PTPRD: variants seen among roughly 807,000 people sequenced by gnomAD.
PTPRD encodes the protein protein tyrosine phosphatase receptor type D.
Under a neutral mutation model 214.5 loss-of-function variants are expected in PTPRD, and 34 were observed. The observed-to-expected ratio is 0.16, with a 90% confidence interval of 0.12 to 0.21. The LOEUF (loss-of-function observed/expected upper bound fraction) is 0.21, where lower values mean the gene tolerates loss of function less well. Among genes scored for constraint, PTPRD ranks in the 10% least tolerant of loss-of-function variants. The pLI, the probability that PTPRD is intolerant of heterozygous loss-of-function variation, is 1.00. For synonymous variants in PTPRD, 1,128 were observed against 845.7 expected (o/e 1.33, Z -5.79); for missense variants, 2,545 against 2,398.7 (o/e 1.06, Z -1.27).
At chr9:10,026,160 T>A (rs2096919475) in intron 4 of PTPRD, among the ~76,000 whole-genome samples, 1 of 152,206 alleles carries the variant, frequency 6.6e-6, no homozygotes, top group Admixed American at 6.5e-5. Context: ...GCCAGTTAAC[T>A]AAAAATTTGA....
intron 3 of PTPRD, among the ~76,000 whole-genome samples, chr9:10,088,111 G>C (rs2098379210): frequency 6.6e-6 from 1 of 151,634 alleles, no homozygotes; most frequent in African/African-American, 2.4e-5. Flanking sequence ...TTATTGTCTA[G>C]TTTGTAGTAA....
intron 5 of PTPRD, among the ~76,000 whole-genome samples, chr9:9,799,854 G>A (rs1223882377): frequency 6.6e-6 from 1 of 152,038 alleles, no homozygotes; most frequent in Non-Finnish European, 1.5e-5. Flanking sequence ...GAGACTAGGT[G>A]GAGAGCTTTC....
At chr9:10,126,043 T>A (rs2098816752) in intron 3 of PTPRD, among the ~76,000 whole-genome samples, 1 of 152,086 alleles carries the variant, frequency 6.6e-6, no homozygotes, top group African/African-American at 2.4e-5. Context: ...ATAGAAATTT[T>A]TAATTTAGGC....
chr9:9,023,560 G>C (rs554433661), intron 10 of PTPRD, among the ~76,000 whole-genome samples: 1 of 151,800 alleles, frequency 6.6e-6, no homozygotes, highest in African/African-American at 2.4e-5. Flanking sequence ...TTTTATTTTA[G>C]ATACAAGGGG....
At chr9:10,194,371 G>A (rs1263488353) in intron 3 of PTPRD, among the ~76,000 whole-genome samples, 1 of 84,716 alleles carries the variant, frequency 1.2e-5, no homozygotes, top group East Asian at 4.1e-4. Flanking sequence ...GAGAGAGAGA[G>A]AGAGAGAGAG....
chr9:10,351,766 C>T (rs1027953992), intron 2 of PTPRD, among the ~76,000 whole-genome samples: 4 of 150,994 alleles, frequency 2.6e-5, no homozygotes, highest in Admixed American at 6.6e-5. Context: ...ATTTCCTAAG[C>T]TTTTTGAGGA....
chr9:8,521,437 T>C lies in PTPRD; in HGVS notation c.801A>G (p.Val267=), dbSNP rs2138889515. 4 of 1,614,036 alleles carry C rather than the reference T, an allele frequency of 2.5e-6. No homozygotes were observed. Among genetic ancestry groups the C allele is most frequent in the Non-Finnish European group, 2.5e-6 (3 of 1,179,936 alleles). Residue 267 remains valine (V), a synonymous_variant, in exon 20 of 46, where the codon GTA becomes GTG. Coordinates refer to ENST00000381196, the MANE Select transcript of PTPRD (RefSeq NM_002839.4). ...GATCTTCTGCCCCCAACATCCACTT[T>C]ACATAAGGCATTGGTGACCCCACGG... The part of the protein sequence containing the change: ...CVAVGSPMPY[V]KWMLGAEDLT...
chr9:9,202,128 G>C (rs560750941), intron 9 of PTPRD, among the ~76,000 whole-genome samples: 34 of 152,304 alleles, frequency 2.2e-4, no homozygotes, highest in African/African-American at 7.5e-4. Context: ...CACAGAGGTG[G>C]AGAACATGAC....
intron 7 of PTPRD, among the ~76,000 whole-genome samples, chr9:9,727,939 A>T (rs2098121520): frequency 6.6e-6 from 1 of 152,096 alleles, no homozygotes; most frequent in African/African-American, 2.4e-5. Flanking sequence ...TCTCAGTCAA[A>T]TCCCATCTTG....
At chr9:10,162,610 C>T (rs1030986554) in intron 3 of PTPRD, among the ~76,000 whole-genome samples, 14 of 147,944 alleles carry the variant, frequency 9.5e-5, no homozygotes, top group South Asian at 4.2e-4. Context: ...TTTATACGTA[C>T]GTATATACAC....
chr9:9,554,462 G>C (rs1461331006), intron 8 of PTPRD, among the ~76,000 whole-genome samples: 1 of 151,436 alleles, frequency 6.6e-6, no homozygotes, highest in African/African-American at 2.4e-5. Context: ...GAGCTATTTA[G>C]AAAAAATGTT....
chr9:8,671,228 T>A (rs940646588), intron 12 of PTPRD, among the ~76,000 whole-genome samples: 4 of 152,194 alleles, frequency 2.6e-5, no homozygotes, highest in African/African-American at 9.7e-5. Flanking sequence ...ATGCGATACT[T>A]CTCATTTAAT....
At chr9:9,543,508 AT>A (rs1466807268) in intron 8 of PTPRD, among the ~76,000 whole-genome samples, 2 of 151,584 alleles carry the variant, frequency 1.3e-5, no homozygotes, top group Non-Finnish European at 3.0e-5. Flanking sequence ...GATTAGGTAA[AT>A]TTCAAAATTT....
intron 3 of PTPRD, among the ~76,000 whole-genome samples, chr9:10,242,854 T>C (rs1376810977): frequency 6.6e-6 from 1 of 151,590 alleles, no homozygotes; most frequent in Non-Finnish European, 1.5e-5. Flanking sequence ...ACCAAGAAAT[T>C]TGATGTAACG....
intron 14 of PTPRD, among the ~76,000 whole-genome samples, chr9:8,590,008 T>G (rs980270462): frequency 2.0e-5 from 3 of 152,078 alleles, no homozygotes; most frequent in African/African-American, 7.2e-5. Context: ...TAACAAAGAT[T>G]TCTGGGGTTA....
At chr9:9,151,020 G>A (rs2154488154) in intron 10 of PTPRD, among the ~76,000 whole-genome samples, 1 of 152,214 alleles carries the variant, frequency 6.6e-6, no homozygotes, top group Non-Finnish European at 1.5e-5. Flanking sequence ...GTTACCACTA[G>A]ACTAATACTT....
At chr9:10,368,645 C>T (rs1454136375) in intron 2 of PTPRD, among the ~76,000 whole-genome samples, 1 of 151,894 alleles carries the variant, frequency 6.6e-6, no homozygotes, top group Non-Finnish European at 1.5e-5. Flanking sequence ...TAAAGGTAGG[C>T]TGTGATTACT....
chr9:8,925,446 T>C (rs2098870768), intron 11 of PTPRD, among the ~76,000 whole-genome samples: 2 of 151,858 alleles, frequency 1.3e-5, no homozygotes, highest in Non-Finnish European at 2.9e-5. Context: ...TTCTGAAACA[T>C]AAGACACAGC....
At chr9:8,842,343 TTTC>T (rs1474425927) in intron 11 of PTPRD, among the ~76,000 whole-genome samples, 1 of 152,180 alleles carries the variant, frequency 6.6e-6, no homozygotes, top group Non-Finnish European at 1.5e-5. Context: ...ACATATTTTT[TTTC>T]TGTTTCTAAA....
Sources: gnomAD v4.1 joint callset for allele counts (sites outside exome capture counted in the v4.1 genomes callset) on GRCh38, gnomAD v4.1.1 for gene constraint, MANE v1.5 for transcripts, NCBI Gene and HGNC (gene_info 2026-07-23, HGNC 2026-07-21) for gene names.